Variants in ARHGAP42 observed in about 807,000 individuals in gnomAD.
The protein encoded by ARHGAP42 is rho GTPase-activating protein 42.
A neutral mutation model predicts 125.0 loss-of-function variants in ARHGAP42; 63 were observed. The ratio of observed to expected loss-of-function variants is 0.50; its 90% CI spans 0.41 to 0.62. The LOEUF is 0.62. ARHGAP42 is among the 20% of genes least tolerant of loss of function. The pLI, the probability that ARHGAP42 is intolerant of heterozygous loss-of-function variation, is 0.00. For missense variants in ARHGAP42, 766 were observed against 1,024.2 expected (o/e 0.75, Z 3.44); for synonymous variants, 339 against 351.0 (o/e 0.97, Z 0.38).
intron 3 of ARHGAP42, among the ~76,000 whole-genome samples, chr11:100,821,150 G>GT (rs1380654025): frequency 2.6e-5 from 4 of 152,056 alleles, no homozygotes; most frequent in Admixed American, 6.6e-5. Context: ...CTCCCTGTAA[G>GT]TATAAAAGGA....
chr11:100,923,140 A>T (rs1023261152), intron 6 of ARHGAP42, among the ~76,000 whole-genome samples: 4 of 152,212 alleles, frequency 2.6e-5, no homozygotes, highest in African/African-American at 9.6e-5. Flanking sequence ...GATGACCACT[A>T]CTTATGGTTC....
intron 1 of ARHGAP42, among the ~76,000 whole-genome samples, chr11:100,705,126 C>A (rs1340595592): frequency 6.6e-6 from 1 of 151,758 alleles, no homozygotes; most frequent in African/African-American, 2.4e-5. Flanking sequence ...CTTTGTACTT[C>A]TGTCAGGATA....
At chr11:100,780,757 A>G (rs1863292049) in intron 2 of ARHGAP42, among the ~76,000 whole-genome samples, 1 of 152,248 alleles carries the variant, frequency 6.6e-6, no homozygotes, top group Non-Finnish European at 1.5e-5. Context: ...ACCAGATCTA[A>G]GCCACAATGG....
chr11:100,880,462 G>GTA (rs928138505), intron 4 of ARHGAP42, among the ~76,000 whole-genome samples: 19 of 152,098 alleles, frequency 1.2e-4, no homozygotes, highest in African/African-American at 3.9e-4. Flanking sequence ...GTATTCCATT[G>GTA]TATATATATA....
At chr11:100,975,083 T>C (rs557015) in intron 19 of ARHGAP42, among the ~76,000 whole-genome samples, 149,256 of 152,300 alleles carry the variant, frequency 0.98, 73,147 homozygotes, top group East Asian at 1. Context: ...GTGGGTGGCA[T>C]CTTGACACCA....
At chr11:100,811,743 G>A (rs1374053288) in intron 3 of ARHGAP42, among the ~76,000 whole-genome samples, 7 of 151,850 alleles carry the variant, frequency 4.6e-5, no homozygotes, top group South Asian at 2.1e-4. Flanking sequence ...CAAGTGATCC[G>A]CCTGCCTCGG....
chr11:100,974,558 A>C lies in ARHGAP42; in HGVS notation c.1810A>C (p.Arg604=), dbSNP rs945559432. The change falls in exon 19 of 24, where the codon AGG becomes CGG. Residue 604 remains arginine, a synonymous_variant. Coordinates refer to ENST00000298815, the MANE Select transcript of ARHGAP42 (RefSeq NM_152432.4). ...AGCAATCTGCCTCTCTACAGGGTCT[A>C]GGAAGCCCAGAGGGAGGTATACTCC... ...TRAICLSTGS[R]KPRGRYTPCL... 3.7e-5 allele frequency: 58 copies of C among 1,551,178 alleles called. No homozygotes were observed. The highest frequency in any genetic ancestry group is 3.4e-5 in the Non-Finnish European group (39 of 1,146,644).
Position 100,827,263 on chromosome 11 carries a change from A to C in ARHGAP42, c.312+32097A>C, listed in dbSNP as rs576569312. Among the ~76,000 whole-genome samples the C allele has an allele frequency of 2.0e-5, 3 of 152,256 alleles. No individual in the cohort carries two copies. The East Asian group carries it at 5.8e-4, about 29-fold the overall frequency. ...AGTGATTCACCCATCTTAGCCTCTC[A>C]AAATGCTGGGATTACAGGCATGAGC... On this transcript the variant is annotated intron_variant, in intron 3 of 23. Transcript: ENST00000298815.
intron 16 of ARHGAP42, among the ~76,000 whole-genome samples, chr11:100,964,516 C>T (rs894410824): frequency 4.6e-5 from 7 of 152,158 alleles, no homozygotes; most frequent in South Asian, 2.1e-4. Context: ...TAAATAACTG[C>T]GCCCAGATGA....
intron 2 of ARHGAP42, among the ~76,000 whole-genome samples, chr11:100,775,317 G>A (rs60799929): frequency 0.077 from 11,653 of 152,188 alleles, 534 homozygotes; most frequent in East Asian, 0.18. Context: ...GGGGAGAAGA[G>A]TGACTATAAA....
intron 1 of ARHGAP42, among the ~76,000 whole-genome samples, chr11:100,708,503 G>T (rs1460716115): frequency 6.6e-6 from 1 of 152,032 alleles, no homozygotes; most frequent in East Asian, 1.9e-4. Flanking sequence ...GACAGAGTGA[G>T]ACCTGTCTCA....
intron 4 of ARHGAP42, among the ~76,000 whole-genome samples, chr11:100,903,155 A>ACACACACACACACACACACC: frequency 6.6e-6 from 1 of 151,126 alleles, no homozygotes; most frequent in Admixed American, 6.6e-5. Context: ...ACACACACAC[A>ACACACACACACACACACACC]CCAAGCTTTA....
intron 4 of ARHGAP42, among the ~76,000 whole-genome samples, chr11:100,874,618 G>T (rs912666313): frequency 6.6e-6 from 1 of 152,164 alleles, no homozygotes; most frequent in Non-Finnish European, 1.5e-5. Flanking sequence ...GAGCCTCTTT[G>T]TTGGTCCTCC....
chr11:100,693,839 G>A (rs931420676), intron 1 of ARHGAP42, among the ~76,000 whole-genome samples: 10 of 152,076 alleles, frequency 6.6e-5, no homozygotes, highest in Non-Finnish European at 1.5e-4. Flanking sequence ...AACATTTCTT[G>A]GAGTACAGTG....
At chr11:100,893,747 T>G (rs1866278362) in intron 4 of ARHGAP42, among the ~76,000 whole-genome samples, 1 of 152,106 alleles carries the variant, frequency 6.6e-6, no homozygotes, top group Non-Finnish European at 1.5e-5. Flanking sequence ...ACCACAGAAC[T>G]AAGCTTTTAG....
chr11:100,895,969 C>T (rs991596904), intron 4 of ARHGAP42, among the ~76,000 whole-genome samples: 2 of 151,944 alleles, frequency 1.3e-5, no homozygotes, highest in Non-Finnish European at 2.9e-5. Flanking sequence ...TAGGTATTTC[C>T]CCTAATGCTA....
At chr11:100,859,522 A>C in intron 3 of ARHGAP42, 32 bp from the exon 4 acceptor site, 1 of 1,506,668 alleles carries the variant, frequency 6.6e-7, no homozygotes, top group Non-Finnish European at 8.9e-7. Flanking sequence ...GAAATTATGC[A>C]AGATTTAATA....
At chr11:100,719,599 C>T (rs1861724909) in intron 1 of ARHGAP42, among the ~76,000 whole-genome samples, 1 of 152,210 alleles carries the variant, frequency 6.6e-6, no homozygotes, top group African/African-American at 2.4e-5. Flanking sequence ...GTTCTGGTAT[C>T]TACTCACTAA....
In ARHGAP42 at chr11:100,953,255, G is replaced by A. The variant is rs78627040; in HGVS notation, c.1162+3299G>A. ...CCAGCCCTAACTCACCGGCCACTTC[G>A]AAGAGTACTCATTTATATCCTCCAT... On this transcript the variant is annotated intron_variant, in intron 12 of 23. Coordinates refer to ENST00000298815, the MANE Select transcript of ARHGAP42 (RefSeq NM_152432.4). 9.9e-3 allele frequency among the ~76,000 whole-genome samples: 1,509 copies of A among 152,112 alleles called. 25 individuals carry two copies. The highest frequency in any genetic ancestry group is 0.035 in the African/African-American group (1,448 of 41,496).
Sources: gnomAD v4.1 joint callset for allele counts (sites outside exome capture counted in the v4.1 genomes callset) on GRCh38, gnomAD v4.1.1 for gene constraint, MANE v1.5 for transcripts, NCBI Gene and HGNC (gene_info 2026-07-23, HGNC 2026-07-21) for gene names.